The following ELAVL4 variants were observed in gnomAD, a reference collection of about 807,000 sequenced individuals.
ELAVL4 encodes ELAV like RNA binding protein 4, also known as ELAV-like protein 4.
A neutral mutation model predicts 35.6 loss-of-function variants in ELAVL4; 1 was observed. The observed-to-expected ratio is 0.03, with a 90% CI of 0.01 to 0.13. ELAVL4 has a LOEUF of 0.13. Among genes scored for constraint, ELAVL4 ranks in the 10% least tolerant of loss-of-function variants. ELAVL4 has a pLI of 1.00. For missense variants in ELAVL4, 267 were observed against 464.9 expected (o/e 0.57, Z 3.91); for synonymous variants, 156 against 171.0 (o/e 0.91, Z 0.69).
At position 50,145,023 on chromosome 1, in the gene ELAVL4, A is replaced by T. The variant is rs1351649500; in HGVS notation, c.76A>T (p.Ser26Cys). The T allele has an allele frequency of 1.2e-6, 2 of 1,614,028 alleles. No individual in the cohort carries two copies. The change falls in exon 2 of 7, where the codon AGC (serine) becomes TGC (cysteine). Residue 26 changes from serine to cysteine, a missense_variant. Ser to Cys is a moderately radical substitution (Grantham distance 112). This residue lies in a region of ELAVL4 where 51 missense variants were observed against 55.4 expected (regional missense o/e 0.92). Transcript: ENST00000371824. ...PTSNTSNGPS[S>C]NNRNCPSPMQ... ...ATCCAATACAAGCAATGGACCCTCC[A>T]GCAACAACAGAAACTGTCCTTCTCC...
At chr1:50,133,816 A>C (rs535028918) in intron 1 of ELAVL4, among the ~76,000 whole-genome samples, 1 of 152,180 alleles carries the variant, frequency 6.6e-6, no homozygotes, top group Non-Finnish European at 1.5e-5. Context: ...ATTGTCCATG[A>C]GTATAATTTA....
intron 6 of ELAVL4, among the ~76,000 whole-genome samples, chr1:50,199,617 A>G (rs1644278319): frequency 6.6e-6 from 1 of 152,100 alleles, no homozygotes; most frequent in Non-Finnish European, 1.5e-5. Context: ...CTGAGGCAGG[A>G]GAATCACTTG....
chr1:50,106,049 G>C (rs1666276476), upstream of ELAVL4: 1 of 380,106 alleles, frequency 2.6e-6, no homozygotes, highest in Non-Finnish European at 4.7e-6. Context: ...CCGCCTCATG[G>C]AAGTCAAGGA....
intron 3 of ELAVL4, among the ~76,000 whole-genome samples, chr1:50,188,374 A>G (rs915629990): frequency 6.6e-6 from 1 of 152,176 alleles, no homozygotes; most frequent in Admixed American, 6.5e-5. Context: ...TTGTGAACAG[A>G]ATGCCTGGCT....
At chr1:50,165,444 A>C (rs1040639090) in intron 2 of ELAVL4, among the ~76,000 whole-genome samples, 1 of 140,072 alleles carries the variant, frequency 7.1e-6, no homozygotes, top group African/African-American at 2.9e-5. Flanking sequence ...ATATATATAG[A>C]TATAGATATA....
chr1:50,136,235 G>A (rs1350649743), intron 1 of ELAVL4, among the ~76,000 whole-genome samples: 2 of 152,078 alleles, frequency 1.3e-5, no homozygotes, highest in African/African-American at 4.8e-5. Context: ...TCTGTCTTCA[G>A]GAACACAGAG....
At chr1:50,077,513 C>T (rs899790968) in intron 1 of ELAVL4, among the ~76,000 whole-genome samples, 5 of 152,182 alleles carry the variant, frequency 3.3e-5, no homozygotes, top group African/African-American at 9.6e-5. Flanking sequence ...GACTTTTTTC[C>T]GTCTAGGGAG....
At chr1:50,116,031 G>A (rs892229348) in intron 1 of ELAVL4, among the ~76,000 whole-genome samples, 20 of 152,064 alleles carry the variant, frequency 1.3e-4, no homozygotes, top group Non-Finnish European at 1.9e-4. Context: ...CTTTCCTTCT[G>A]TATTTATAAG....
chr1:50,188,699 G>A (rs2148865982), intron 3 of ELAVL4, among the ~76,000 whole-genome samples: 1 of 152,182 alleles, frequency 6.6e-6, no homozygotes, highest in East Asian at 1.9e-4. Context: ...AACAGAATGT[G>A]TGCTTCCAGC....
chr1:50,080,515 T>C (rs1042780069), intron 1 of ELAVL4, among the ~76,000 whole-genome samples: 3 of 152,212 alleles, frequency 2.0e-5, no homozygotes, highest in Non-Finnish European at 4.4e-5. Context: ...AATATATATG[T>C]GTATATATTT....
At chr1:50,101,016 A>G (rs541886498), upstream of ELAVL4, among the ~76,000 whole-genome samples, 1 of 150,788 alleles carries the variant, frequency 6.6e-6, no homozygotes, top group East Asian at 1.9e-4. Flanking sequence ...AACAAACTAT[A>G]AGTGAAGTAT....
intron 1 of ELAVL4, among the ~76,000 whole-genome samples, chr1:50,144,078 C>T (rs1290785672): frequency 1.3e-5 from 2 of 152,136 alleles, no homozygotes; most frequent in African/African-American, 4.8e-5. Context: ...TGATCACTGC[C>T]CTATACCAGC....
intron 1 of ELAVL4, among the ~76,000 whole-genome samples, chr1:50,133,608 AAAG>A (rs1259189298): frequency 7.4e-5 from 9 of 121,820 alleles, no homozygotes; most frequent in African/African-American, 2.2e-4. Context: ...GAAAAGAAAG[AAAG>A]AAAGAAAGAA....
chr1:50,064,282 G>A (rs1301840074), intron 1 of ELAVL4, among the ~76,000 whole-genome samples: 5 of 152,180 alleles, frequency 3.3e-5, no homozygotes, highest in African/African-American at 7.2e-5. Context: ...TTTCTCAAGT[G>A]CAGGTGTTTT....
intron 1 of ELAVL4, among the ~76,000 whole-genome samples, chr1:50,131,500 G>C (rs1263424179): frequency 1.3e-5 from 2 of 151,816 alleles, no homozygotes; most frequent in African/African-American, 4.8e-5. Context: ...TAAAAAAATA[G>C]AACAATGGGC....
intron 1 of ELAVL4, among the ~76,000 whole-genome samples, chr1:50,087,652 G>A (rs1040817068): frequency 6.6e-6 from 1 of 152,130 alleles, no homozygotes; most frequent in Non-Finnish European, 1.5e-5. Flanking sequence ...GACTGTATTT[G>A]GACATAAGGC....
chr1:50,058,789 A>G (rs1663814818), intron 1 of ELAVL4, among the ~76,000 whole-genome samples: 1 of 151,656 alleles, frequency 6.6e-6, no homozygotes, highest in South Asian at 2.1e-4. Flanking sequence ...TTTTTTTTAG[A>G]GATGAGGTTT....
chr1:50,184,875 T>C (rs780273114), intron 3 of ELAVL4, among the ~76,000 whole-genome samples: 7 of 152,156 alleles, frequency 4.6e-5, no homozygotes, highest in Admixed American at 1.3e-4. Context: ...TATAATTTTG[T>C]GTTATTTCTG....
chr1:50,056,243 A>G (rs1009958456), intron 1 of ELAVL4, among the ~76,000 whole-genome samples: 1 of 152,158 alleles, frequency 6.6e-6, no homozygotes, highest in African/African-American at 2.4e-5. Context: ...TATAAGTCAC[A>G]CCCCAAGTTT....
Sources: gnomAD v4.1 joint callset for allele counts (sites outside exome capture counted in the v4.1 genomes callset) on GRCh38, gnomAD v4.1.1 for gene constraint, gnomAD v4.1.1 regional missense constraint, MANE v1.5 for transcripts, NCBI Gene and HGNC (gene_info 2026-07-23, HGNC 2026-07-21) for gene names.